Variants in MAP7 observed in about 807,000 individuals in gnomAD.
MAP7 encodes microtubule associated protein 7.
In MAP7, 52 loss-of-function variants were observed where a neutral mutation model predicts 94.8. The observed-to-expected ratio is 0.55, with a 90% CI of 0.44 to 0.69. The LOEUF (loss-of-function observed/expected upper bound fraction) is 0.69, where lower values mean the gene tolerates loss of function less well. Among genes scored for constraint, MAP7 ranks in the 30% least tolerant of loss-of-function variants. The pLI is 0.00. For synonymous variants in MAP7, 350 were observed against 357.0 expected (o/e 0.98, Z 0.22); for missense variants, 940 against 964.6 (o/e 0.97, Z 0.34).
At chr6:136,371,086 T>C (rs1774343448) in intron 8 of MAP7, among the ~76,000 whole-genome samples, 1 of 152,082 alleles carries the variant, frequency 6.6e-6, no homozygotes, top group South Asian at 2.1e-4. Context: ...TACTTGGTTG[T>C]AAAGAGGTAA....
At chr6:136,498,368 G>T (rs1442598168) in intron 1 of MAP7, among the ~76,000 whole-genome samples, 1 of 152,016 alleles carries the variant, frequency 6.6e-6, no homozygotes, top group East Asian at 1.9e-4. Flanking sequence ...TGAGGACACT[G>T]GGAACACCAG....
intron 2 of MAP7, among the ~76,000 whole-genome samples, chr6:136,414,103 A>T (rs1418352100): frequency 9.3e-5 from 14 of 151,216 alleles, no homozygotes; most frequent in Admixed American, 3.9e-4. Context: ...CAAAAAAAAA[A>T]TTAGCCGGGC....
At chr6:136,542,105 AT>A (rs1234149993) in intron 1 of MAP7, among the ~76,000 whole-genome samples, 1 of 152,242 alleles carries the variant, frequency 6.6e-6, no homozygotes, top group Non-Finnish European at 1.5e-5. Flanking sequence ...TAATAAAAAA[AT>A]CTTACAGATC....
chr6:136,464,630 A>T (rs1806357649), intron 1 of MAP7, among the ~76,000 whole-genome samples: 1 of 152,240 alleles, frequency 6.6e-6, no homozygotes, highest in African/African-American at 2.4e-5. Flanking sequence ...GTACAAAAAC[A>T]ATTAGCATGT....
At position 136,362,554 on chromosome 6, in the gene MAP7, G is replaced by A. The variant is rs764303837; in HGVS notation, c.1422C>T (p.Thr474=). 11 of 1,614,056 alleles carry A rather than the reference G, an allele frequency of 6.8e-6. No individual in the cohort carries two copies. The highest frequency in any genetic ancestry group is 6.6e-5 in the South Asian group (6 of 91,084). Residue 474 remains threonine, a synonymous_variant, in exon 11 of 18, where the codon ACC becomes ACT. Transcript: ENST00000354570. ...SASVKTSAGT[T]DPEEATRLLA... is the part of the protein sequence containing the mutation. ...GAAGCCTTGTGGCCTCCTCTGGGTCGGTGGTGCCTGCAGAAGTCTTAACAG... is the reference window on the plus strand; with the variant it reads ...GAAGCCTTGTGGCCTCCTCTGGGTCAGTGGTGCCTGCAGAAGTCTTAACAG...
intron 1 of MAP7, among the ~76,000 whole-genome samples, chr6:136,488,723 A>G (rs540625057): frequency 5.3e-5 from 8 of 152,200 alleles, no homozygotes; most frequent in African/African-American, 1.9e-4. Context: ...GATTACAGGC[A>G]TGAGCCACCA....
At chr6:136,356,337 A>AT (rs35928579) in intron 16 of MAP7, among the ~76,000 whole-genome samples, 9,035 of 150,570 alleles carry the variant, frequency 0.06, 578 homozygotes, top group East Asian at 0.23. Flanking sequence ...TAGTTTTGCT[A>AT]TTTTTTTTTG....
chr6:136,386,843 C>G (rs1779302542), intron 5 of MAP7, among the ~76,000 whole-genome samples: 2 of 152,226 alleles, frequency 1.3e-5, no homozygotes, highest in South Asian at 4.1e-4. Flanking sequence ...CAGGTTCTCA[C>G]TCTGTCCTCT....
intron 1 of MAP7, among the ~76,000 whole-genome samples, chr6:136,446,224 T>C (rs778604285): frequency 6.9e-5 from 10 of 144,622 alleles, no homozygotes; most frequent in African/African-American, 1.3e-4. Context: ...TGGGAGAAGA[T>C]TGTCATCAGA....
chr6:136,526,269 ACGCG>A (rs1255654708), intron 1 of MAP7: 134 of 1,075,978 alleles, frequency 1.2e-4, no homozygotes, highest in South Asian at 1.7e-4. Flanking sequence ...ATGCACGTAC[ACGCG>A]CGCGCACACA....
intron 6 of MAP7, among the ~76,000 whole-genome samples, chr6:136,382,012 C>T (rs753233515): frequency 2.0e-5 from 3 of 151,926 alleles, no homozygotes; most frequent in Admixed American, 6.6e-5. Flanking sequence ...GGCGGTCACA[C>T]GGGTGAGGAG....
intron 3 of MAP7, among the ~76,000 whole-genome samples, chr6:136,391,309 C>A (rs1247878667): frequency 6.8e-6 from 1 of 146,120 alleles, no homozygotes; most frequent in Non-Finnish European, 1.5e-5. Flanking sequence ...GAACAAAAAA[C>A]CAAACACTGC....
chr6:136,547,452 T>A (rs1829818875), intron 1 of MAP7, among the ~76,000 whole-genome samples: 2 of 152,126 alleles, frequency 1.3e-5, no homozygotes, highest in South Asian at 4.2e-4. Flanking sequence ...TAAAATTAAA[T>A]ATACAAAGCT....
intron 10 of MAP7, 140 bp from the exon 11 acceptor site, chr6:136,362,842 G>C: frequency 7.5e-7 from 1 of 1,337,952 alleles, no homozygotes; most frequent in Non-Finnish European, 1.0e-6. Flanking sequence ...GTGTTCTCAC[G>C]GTTTCACTAT....
intron 1 of MAP7, among the ~76,000 whole-genome samples, chr6:136,435,138 G>A (rs923125451): frequency 1.4e-4 from 21 of 152,150 alleles, no homozygotes; most frequent in African/African-American, 4.8e-4. Flanking sequence ...TCCACTTGGG[G>A]GTTGGTGCCT....
At chr6:136,355,663 T>TA (rs1790715666) in intron 16 of MAP7, among the ~76,000 whole-genome samples, 1 of 152,242 alleles carries the variant, frequency 6.6e-6, no homozygotes, top group Non-Finnish European at 1.5e-5. Context: ...TATGTGTTTT[T>TA]AGATTAAGAA....
chr6:136,501,651 GCTT>G (rs957342476), intron 1 of MAP7, among the ~76,000 whole-genome samples: 1 of 151,938 alleles, frequency 6.6e-6, no homozygotes, highest in Non-Finnish European at 1.5e-5. Flanking sequence ...TGCCCAGATG[GCTT>G]TTTTTATATA....
intron 1 of MAP7, among the ~76,000 whole-genome samples, chr6:136,499,027 G>GC (rs1819092847): frequency 6.6e-6 from 1 of 151,916 alleles, no homozygotes; most frequent in Non-Finnish European, 1.5e-5. Context: ...TCGTGCCTCT[G>GC]CCCCCCAGGT....
At chr6:136,429,403 T>C (rs1351143526) in intron 1 of MAP7, among the ~76,000 whole-genome samples, 2 of 152,208 alleles carry the variant, frequency 1.3e-5, no homozygotes, top group Non-Finnish European at 2.9e-5. Context: ...CTGTTACTGC[T>C]TATACTGCAT....
Sources: gnomAD v4.1 joint callset for allele counts (sites outside exome capture counted in the v4.1 genomes callset) on GRCh38, gnomAD v4.1.1 for gene constraint, MANE v1.5 for transcripts, NCBI Gene and HGNC (gene_info 2026-07-23, HGNC 2026-07-21) for gene names.